Variants in ABCC1 observed in about 807,000 individuals in gnomAD.
The protein encoded by ABCC1 is multidrug resistance-associated protein 1.
ABCC1 carries 83 observed loss-of-function variants against 172.9 expected under a neutral mutation model. That is an observed-to-expected ratio of 0.48 (90% confidence interval 0.40 to 0.58). The LOEUF is 0.58. Ranked by LOEUF, ABCC1 falls within the 20% of genes least tolerant of loss-of-function variation. The pLI, the probability that ABCC1 is intolerant of heterozygous loss-of-function variation, is 0.00. For missense variants in ABCC1, 1,817 were observed against 2,002.7 expected (o/e 0.91, Z 1.77); for synonymous variants, 937 against 825.2 (o/e 1.14, Z -2.32).
chr16:15,950,235 C>T (rs1034938638), intron 1 of ABCC1, among the ~76,000 whole-genome samples: 2 of 151,976 alleles, frequency 1.3e-5, no homozygotes, highest in Non-Finnish European at 2.9e-5. Flanking sequence ...CCGTGACCAA[C>T]GGGGTGAGCT....
intron 1 of ABCC1, among the ~76,000 whole-genome samples, chr16:15,950,753 GT>G (rs1259233637): frequency 1.3e-5 from 2 of 152,150 alleles, no homozygotes; most frequent in Non-Finnish European, 2.9e-5. Context: ...GGACACGACT[GT>G]TTCTCTCTCC....
At chr16:15,954,353 C>A (rs575634758) in intron 1 of ABCC1, among the ~76,000 whole-genome samples, 1 of 152,086 alleles carries the variant, frequency 6.6e-6, no homozygotes, top group Admixed American at 6.5e-5. Context: ...TTTGGCTGCC[C>A]CTCCTTCCAG....
chr16:16,070,283 G>T (rs144200036), intron 13 of ABCC1, among the ~76,000 whole-genome samples: 2 of 151,260 alleles, frequency 1.3e-5, no homozygotes. Context: ...CAGAAGGATC[G>T]CTTGAGCCTA....
intron 10 of ABCC1, among the ~76,000 whole-genome samples, chr16:16,051,494 G>A (rs1215380229): frequency 2.0e-5 from 3 of 152,076 alleles, no homozygotes; most frequent in African/African-American, 4.8e-5. Context: ...AGTTAATACA[G>A]CAAAATTAGC....
At position 16,113,064 on chromosome 16, in the gene ABCC1, G is replaced by A. The variant is rs548698646; in HGVS notation, c.3079+1482G>A. ...GTTGCTGCTCTGGAACACACAGTGC[G>A]CTCCTGTGGATTGTTTGAGAGAAGC... On this transcript the variant is annotated intron_variant, in intron 22 of 30. Transcript: ENST00000399410. Among the ~76,000 whole-genome samples the A allele has an allele frequency of 4.6e-5, 7 of 152,278 alleles. No homozygotes were observed. In the East Asian group the frequency reaches 1.2e-3, roughly 25 times the overall value.
intron 11 of ABCC1, among the ~76,000 whole-genome samples, chr16:16,055,648 C>T (rs1473653265): frequency 1.3e-5 from 2 of 152,042 alleles, no homozygotes; most frequent in Non-Finnish European, 2.9e-5. Flanking sequence ...CCCTTCTTTT[C>T]TGTACACCTG....
chr16:16,137,070 G>C (rs1349292719), intron 29 of ABCC1, among the ~76,000 whole-genome samples: 1 of 152,206 alleles, frequency 6.6e-6, no homozygotes, highest in South Asian at 2.1e-4. Context: ...CACACCAGCG[G>C]AACCTCTGGG....
At chr16:15,952,674 T>C (rs1189546933) in intron 1 of ABCC1, among the ~76,000 whole-genome samples, 3 of 133,930 alleles carry the variant, frequency 2.2e-5, no homozygotes, top group Non-Finnish European at 4.6e-5. Context: ...GATATTGGCA[T>C]GATGGTTGGA....
intron 1 of ABCC1, among the ~76,000 whole-genome samples, chr16:15,965,698 G>A (rs1275390346): frequency 6.6e-6 from 1 of 152,068 alleles, no homozygotes; most frequent in East Asian, 1.9e-4. Flanking sequence ...CTGGGTTCAG[G>A]TGATTCTCCT....
At chr16:16,064,018 A>G (rs186361838) in intron 12 of ABCC1, among the ~76,000 whole-genome samples, 3 of 152,280 alleles carry the variant, frequency 2.0e-5, no homozygotes. Context: ...TCATAGGTTG[A>G]CACTGGGAGA....
chr16:16,027,144 A>G (rs2048403274), intron 5 of ABCC1, among the ~76,000 whole-genome samples: 1 of 152,136 alleles, frequency 6.6e-6, no homozygotes, highest in Non-Finnish European at 1.5e-5. Flanking sequence ...ATTTGCAGGC[A>G]AAAGACTGTC....
At chr16:16,133,372 T>TTTTTG (rs1555504065) in intron 27 of ABCC1, among the ~76,000 whole-genome samples, 16 of 148,670 alleles carry the variant, frequency 1.1e-4, no homozygotes, top group African/African-American at 3.5e-4. Context: ...CTTGCTGTCT[T>TTTTTG]TTTTTGTTTT....
chr16:16,101,568 C>T (rs541132908), intron 19 of ABCC1, among the ~76,000 whole-genome samples: 12 of 152,240 alleles, frequency 7.9e-5, no homozygotes, highest in African/African-American at 1.9e-4. Context: ...CTGCTGGCTG[C>T]GTATTTATCC....
At chr16:16,084,683 T>G (rs1230516100) in intron 17 of ABCC1, among the ~76,000 whole-genome samples, 1 of 149,014 alleles carries the variant, frequency 6.7e-6, no homozygotes, top group Non-Finnish European at 1.5e-5. Flanking sequence ...TAGAGTGTAG[T>G]GGCTCACTCT....
At chr16:16,013,259 A>G (rs1597116976) in intron 3 of ABCC1, among the ~76,000 whole-genome samples, 1 of 144,030 alleles carries the variant, frequency 6.9e-6, no homozygotes, top group Non-Finnish European at 1.5e-5. Flanking sequence ...GACAGGATGC[A>G]GCCAGCACAT....
chr16:15,959,276 G>C (rs1248440727), intron 1 of ABCC1, among the ~76,000 whole-genome samples: 1 of 152,164 alleles, frequency 6.6e-6, no homozygotes, highest in Non-Finnish European at 1.5e-5. Context: ...AGTTGGAGTT[G>C]TGACAGTTCA....
chr16:16,114,987 G>C lies in ABCC1; in HGVS notation c.3301G>C (p.Val1101Leu). Residue 1101 changes from valine to leucine, a missense_variant, in exon 23 of 31, where the codon GTC (valine) becomes CTC (leucine). Transcript: ENST00000399410. ...IKMFMGSLFN[V>L]IGACIVILLA... ...GATGTTCATGGGCTCCCTGTTCAAC[G>C]TCATTGGTGCCTGCATCGTTATCCT... 3 of 1,614,170 alleles carry C rather than the reference G, an allele frequency of 1.9e-6. No homozygotes were observed. Among genetic ancestry groups the C allele is most frequent in the Non-Finnish European group, 2.5e-6 (3 of 1,180,032 alleles).
chr16:15,997,844 C>T (rs1028764695), intron 1 of ABCC1, among the ~76,000 whole-genome samples: 3 of 137,806 alleles, frequency 2.2e-5, no homozygotes, highest in Admixed American at 7.6e-5. Context: ...GACAGAGTCT[C>T]GCTCTGTCAC....
chr16:16,010,478 G>T (rs2151737221), intron 3 of ABCC1, among the ~76,000 whole-genome samples: 1 of 152,214 alleles, frequency 6.6e-6, no homozygotes. Flanking sequence ...TCTTGCATTG[G>T]CTACTTTGGT....
Sources: allele counts gnomAD v4.1 joint callset (sites outside exome capture counted in the v4.1 genomes callset), GRCh38; gene constraint gnomAD v4.1.1; transcripts MANE v1.5; gene names NCBI Gene and HGNC (gene_info 2026-07-23, HGNC 2026-07-21).